The following OSBPL5 variants were observed in gnomAD, a reference collection of about 807,000 sequenced individuals.
The protein encoded by OSBPL5 is oxysterol-binding protein-related protein 5.
In OSBPL5, 71 loss-of-function variants were observed where a neutral mutation model predicts 111.2. That is an observed-to-expected ratio of 0.64 (90% CI 0.53 to 0.78). The LOEUF (loss-of-function observed/expected upper bound fraction) is 0.78. Ranked by LOEUF, OSBPL5 falls within the 30% of genes least tolerant of loss-of-function variation. The pLI, the probability that OSBPL5 is intolerant of heterozygous loss-of-function variation, is 0.00. For missense variants in OSBPL5, 1,210 were observed against 1,189.3 expected, an observed-to-expected ratio of 1.02 and a Z score of -0.26; for synonymous variants, 549 against 513.9, an observed-to-expected ratio of 1.07 and a Z score of -0.93.
chr11:3,133,050 G>C (rs977772844), intron 1 of OSBPL5, among the ~76,000 whole-genome samples: 3 of 152,244 alleles, frequency 2.0e-5, no homozygotes, highest in Non-Finnish European at 4.4e-5. Context: ...ACAGGGCAGG[G>C]TCCTCAGAGA....
chr11:3,119,548 A>G lies in OSBPL5; in HGVS notation c.690T>C (p.Asp230=). Residue 230 remains aspartate (D), a splice_region_variant and synonymous_variant, in exon 7 of 22, where the codon GAT becomes GAC. Coordinates refer to ENST00000263650, the MANE Select transcript of OSBPL5 (RefSeq NM_020896.4). ...ATGCGCAAGCTGGCAGGGACTCACC[A>G]TCTGACTCGGAGGCGGCCCTGAAGA... ...YLIFRAASES[D]GRCWLDALEL... The G allele has an allele frequency of 6.4e-7, 1 of 1,573,564 alleles. No homozygotes were observed.
At chr11:3,108,134 T>C (rs987448314) in intron 7 of OSBPL5, among the ~76,000 whole-genome samples, 189 bp from the exon 8 acceptor site, 13 of 151,834 alleles carry the variant, frequency 8.6e-5, no homozygotes, top group African/African-American at 2.4e-5. Context: ...CAGCTGCAGA[T>C]TGTGTGGGGG....
intron 1 of OSBPL5, among the ~76,000 whole-genome samples, chr11:3,157,083 C>T (rs1444320503): frequency 6.6e-6 from 1 of 152,268 alleles, no homozygotes; most frequent in Non-Finnish European, 1.5e-5. Context: ...CTTTGCAGGG[C>T]GGTGCTTACG....
chr11:3,094,430 C>T, intron 14 of OSBPL5, 96 bp from the exon 15 acceptor site: 1 of 930,706 alleles, frequency 1.1e-6, no homozygotes, highest in Non-Finnish European at 1.7e-6. Flanking sequence ...TCCCTGAGTC[C>T]CGACCCAGCA....
At chr11:3,097,765 A>G (rs2134397870) in intron 14 of OSBPL5, among the ~76,000 whole-genome samples, 1 of 152,280 alleles carries the variant, frequency 6.6e-6, no homozygotes, top group Admixed American at 6.5e-5. Flanking sequence ...ACAATGCACG[A>G]GTATAAAAAG....
At position 3,101,685 on chromosome 11, in the gene OSBPL5, C is replaced by T. The variant is rs61736126; in HGVS notation, c.1440G>A (p.Pro480=). Residue 480 remains proline (P), a synonymous_variant, in exon 13 of 22, where the codon CCG becomes CCA. Transcript: ENST00000263650. ...TGCTGACGTGGAAGGCAGACACGGG[C>T]GGGTGGTGGGACACCTGCGTGCAGG... ...FYIAEQVSHH[P]PVSAFHVSNR... The T allele has an allele frequency of 2.7e-3, 4,428 of 1,613,618 alleles. 119 individuals are homozygous for T. The African/African-American group carries it at 0.052, about 19-fold the overall frequency.
At chr11:3,108,472 G>A (rs1309764711) in intron 7 of OSBPL5, among the ~76,000 whole-genome samples, 2 of 152,200 alleles carry the variant, frequency 1.3e-5, no homozygotes, top group Non-Finnish European at 2.9e-5. Flanking sequence ...CAGGGAGGAG[G>A]GTGGGGAAGG....
intron 7 of OSBPL5, 128 bp from the exon 8 acceptor site, chr11:3,108,073 C>A: frequency 1.6e-6 from 2 of 1,251,298 alleles, no homozygotes; most frequent in Non-Finnish European, 2.2e-6. Context: ...CCCAGACCCA[C>A]CCCTGGCCCT....
chr11:3,150,634 G>C (rs1320964689), intron 1 of OSBPL5, among the ~76,000 whole-genome samples: 1 of 152,198 alleles, frequency 6.6e-6, no homozygotes, highest in African/African-American at 2.4e-5. Flanking sequence ...GCCTCTGGGG[G>C]GAGCAGAACT....
Position 3,104,281 on chromosome 11 carries a change from G to C in OSBPL5, c.1156C>G (p.Arg386Gly). ...KQLRPGMDLSRVVLPTFVLEP... is the reference protein window; with the variant it reads ...KQLRPGMDLSGVVLPTFVLEP... ...AGTACGAACGTGGGTAGCACCACGC[G>C]GGACAGGTCCATGCCTGGCCGTAGC... Residue 386 changes from arginine to glycine, a missense_variant, in exon 10 of 22, where the codon CGC becomes GGC. By Grantham distance (125) the Arg-to-Gly change is moderately radical. Transcript: ENST00000263650. The surrounding 1 kb of genome is among the most constrained non-coding windows in gnomAD (Gnocchi z 5.0). 2.5e-6 allele frequency: 4 copies of C among 1,613,804 alleles called. No individual in the cohort carries two copies. The highest frequency in any genetic ancestry group is 3.4e-6 in the Non-Finnish European group (4 of 1,179,958).
chr11:3,157,556 TG>T (rs34593608), intron 1 of OSBPL5, among the ~76,000 whole-genome samples: 1 of 152,136 alleles, frequency 6.6e-6, no homozygotes, highest in South Asian at 2.1e-4. Flanking sequence ...CCAGCTTGAC[TG>T]GGGTGGCTCC....
In OSBPL5 at chr11:3,138,947, C is replaced by G. The variant is rs574896677; in HGVS notation, c.-21-9778G>C. 4.6e-5 allele frequency among the ~76,000 whole-genome samples: 7 copies of G among 152,362 alleles called. No homozygotes were observed. The South Asian group carries it at 1.0e-3, about 23-fold the overall frequency. On this transcript the variant is annotated intron_variant, in intron 1 of 21. Transcript: ENST00000263650. ...AAAAACTCCAACAAGAAGACCAGAG[C>G]AAAACAAAGAGGACGCGGCTGCTGT...
intron 1 of OSBPL5, among the ~76,000 whole-genome samples, chr11:3,133,201 G>A (rs1360746647): frequency 1.3e-5 from 2 of 152,258 alleles, no homozygotes; most frequent in African/African-American, 2.4e-5. Context: ...TGAGGAATGA[G>A]GCCCTCTTGG....
At position 3,146,024 on chromosome 11, in the gene OSBPL5, G is replaced by A. The variant is rs758776195; in HGVS notation, c.-21-16855C>T. 2.1e-4 allele frequency among the ~76,000 whole-genome samples: 32 copies of A among 152,156 alleles called. No homozygotes were observed. The highest frequency in any genetic ancestry group is 3.8e-4 in the Non-Finnish European group (26 of 68,014). On this transcript the variant is annotated intron_variant, in intron 1 of 21. Transcript: ENST00000263650. This position sits in a 1 kb window ranked among gnomAD's most constrained non-coding sequence, Gnocchi z 7.8. ...ACTTGCGGATGGGAGGATTCACCTG[G>A]GGGCCCCTCCGCCCTGCCGGGAGCA...
intron 1 of OSBPL5, among the ~76,000 whole-genome samples, chr11:3,150,358 G>A (rs935739251): frequency 5.3e-4 from 81 of 152,224 alleles, no homozygotes; most frequent in African/African-American, 1.9e-3. Flanking sequence ...TGCAACCACA[G>A]GCCTGTCCCA....
At position 3,120,385 on chromosome 11, in the gene OSBPL5, G is replaced by A. The variant is rs544322377; in HGVS notation, c.606+36C>T. 3.6e-5 allele frequency: 57 copies of A among 1,589,428 alleles called. No homozygotes were observed. The East Asian group carries it at 9.7e-4, about 27-fold the overall frequency. The stretch of plus-strand genomic sequence containing the variant: ...CTAGGAATGAGCCCCTTGGCCCTAC[G>A]GGGCCTCTGTCTTCAACCCCACCCC... On this transcript the variant is annotated intron_variant, in intron 6 of 21. Coordinates refer to ENST00000263650, the MANE Select transcript of OSBPL5 (RefSeq NM_020896.4).
rs1590695998 is a variant in OSBPL5 at position 3,131,591 on chromosome 11, T to TC, written c.-21-2423dup. Among the ~76,000 whole-genome samples the TC allele has an allele frequency of 1.7e-3, 211 of 126,340 alleles. 1 individual carries two copies. Among genetic ancestry groups the TC allele is most frequent in the Non-Finnish European group, 2.1e-3 (129 of 60,902 alleles). The allele number at this position is 126,340 out of a possible 152,430, so 82.9% of individuals were successfully genotyped here. A position where few individuals can be genotyped will look rare whatever the true frequency, so the allele number is the denominator to read the frequency against. ...TCCATCCATCCATCCATCCACCCAT[T>TC]CATCCATCCATCCACCCATTCATCC... On this transcript the variant is annotated intron_variant, in intron 1 of 21. Coordinates refer to ENST00000263650, the MANE Select transcript of OSBPL5 (RefSeq NM_020896.4).
At position 3,092,689 on chromosome 11, in the gene OSBPL5, G is replaced by A. The variant is rs1857105052; in HGVS notation, c.2133-131C>T. The stretch of plus-strand genomic sequence containing the variant: ...AGAATGACCACTGCCCACACCCCAT[G>A]GGCAGGGCCTGCAGTAAGGACTGAT... On this transcript the variant is annotated intron_variant, in intron 18 of 21. Transcript: ENST00000263650. The surrounding 1 kb of genome is among the most constrained non-coding windows in gnomAD (Gnocchi z 5.4). The A allele has an allele frequency of 1.5e-6, 2 of 1,367,254 alleles. No individual in the cohort carries two copies. The highest frequency in any genetic ancestry group is 2.0e-6 in the Non-Finnish European group (2 of 1,024,930). The allele number at this position is 1,367,254 out of a possible 1,614,324, so 84.7% of individuals were successfully genotyped here. A position where few individuals can be genotyped will look rare whatever the true frequency, so the allele number is the denominator to read the frequency against.
Position 3,094,330 on chromosome 11 carries a change from G to A in OSBPL5, c.1626C>T (p.Ile542=), listed in dbSNP as rs752487618. ...GCTCCAGGGTCATCGTGCCATACAG[G>A]ATTCCTGAAATGCAGCCAGTGTCAG... ...LTMPYAHCKG[I]LYGTMTLELG... The change falls in exon 15 of 22, where the codon ATC becomes ATT. Residue 542 remains isoleucine, a synonymous_variant. Transcript: ENST00000263650. 1 of 1,613,294 alleles carries A rather than the reference G, an allele frequency of 6.2e-7. No homozygotes were observed. Among genetic ancestry groups the A allele is most frequent in the Admixed American group, 1.7e-5 (1 of 60,020 alleles).
Sources: allele counts gnomAD v4.1 joint callset (sites outside exome capture counted in the v4.1 genomes callset), GRCh38; gene constraint gnomAD v4.1.1; non-coding constraint Gnocchi (gnomAD v3.1); transcripts MANE v1.5; gene names NCBI Gene and HGNC (gene_info 2026-07-23, HGNC 2026-07-21).